Variants in UACA observed in about 807,000 individuals in gnomAD.
UACA encodes the protein uveal autoantigen with coiled-coil domains and ankyrin repeats, also known as nuclear membrane binding protein.
Under a neutral mutation model 160.5 loss-of-function variants are expected in UACA, and 112 were observed. The ratio of observed to expected loss-of-function variants is 0.70; its 90% CI spans 0.60 to 0.82. The LOEUF (loss-of-function observed/expected upper bound fraction) is 0.82. Ranked by LOEUF, UACA falls within the 40% of genes least tolerant of loss-of-function variation. The pLI, the probability that UACA is intolerant of heterozygous loss-of-function variation, is 0.00. For missense variants in UACA, 1,574 were observed against 1,614.6 expected, an observed-to-expected ratio of 0.97 and a Z score of 0.43; for synonymous variants, 557 against 568.4, an observed-to-expected ratio of 0.98 and a Z score of 0.29.
rs1897021684 is a variant in UACA at position 70,668,601 on chromosome 15, CT to C, written c.2082del (p.Glu695AsnfsTer14). On this transcript the variant is annotated frameshift_variant, in exon 16 of 19. Transcript: ENST00000322954. LOFTEE classifies it high-confidence loss of function. ...PEEHEQVKSR[L>X]EQKSGELGKK... ...TTCCCAAGTTCTCCTGATTTCTGTTCTAATCTGCTCTTAACCTGTTCATGTT... is the reference window on the plus strand; with the variant it reads ...TTCCCAAGTTCTCCTGATTTCTGTTCAATCTGCTCTTAACCTGTTCATGTT... The C allele has an allele frequency of 1.2e-6, 2 of 1,613,594 alleles. No individual in the cohort carries two copies. The highest frequency in any genetic ancestry group is 2.7e-5 in the African/African-American group (2 of 74,906).
Position 70,667,357 on chromosome 15 carries a change from T to G in UACA, c.3327A>C (p.Lys1109Asn). 1 of 1,613,028 alleles carries G rather than the reference T, an allele frequency of 6.2e-7. No individual in the cohort carries two copies. The highest frequency in any genetic ancestry group is 8.5e-7 in the Non-Finnish European group (1 of 1,179,874). Residue 1109 changes from lysine (K) to asparagine (N), a missense_variant, in exon 16 of 19, where the codon AAA becomes AAC. Physicochemically the swap from Lys to Asn is moderately conservative, Grantham distance 94. Coordinates refer to ENST00000322954, the MANE Select transcript of UACA (RefSeq NM_018003.4). ...CAACCTGTTCCAATGGAACATGTTG[T>G]TTTTGCAAAAGATTTTGCACTGCAA... ...EILAVQNLLQ[K>N]QHVPLEQVEA...
chr15:70,679,718 A>G (rs1288463130), intron 9 of UACA, 42 bp from the exon 10 acceptor site: 4 of 1,342,750 alleles, frequency 3.0e-6, no homozygotes, highest in Admixed American at 3.9e-5. Flanking sequence ...CAAGTGTAAG[A>G]ATACAGAAAA....
chr15:70,742,901 T>C (rs749456614), intron 1 of UACA, among the ~76,000 whole-genome samples: 53 of 152,226 alleles, frequency 3.5e-4, no homozygotes, highest in Non-Finnish European at 6.9e-4. Context: ...TTAAAATTTT[T>C]CAGTTCTGTA....
chr15:70,770,602 A>T, the UACA span, among the ~76,000 whole-genome samples: 1 of 152,232 alleles, frequency 6.6e-6, no homozygotes, highest in African/African-American at 2.4e-5. Context: ...GCTACATTTT[A>T]ATTTTGCCAG....
intron 16 of UACA, 154 bp from the exon 17 acceptor site, chr15:70,664,968 G>C: frequency 1.8e-6 from 1 of 550,826 alleles, no homozygotes; most frequent in Non-Finnish European, 3.0e-6. Context: ...TACCAAGGAT[G>C]TATACAATAT....
At chr15:70,682,006 C>G (rs1485999270) in intron 9 of UACA, 1 of 152,158 alleles carries the variant, frequency 6.6e-6, no homozygotes, top group Non-Finnish European at 1.5e-5. Context: ...TTAGGTTCCT[C>G]TCACTAGAGA....
intron 4 of UACA, 78 bp from the exon 5 acceptor site, chr15:70,690,589 GTTAT>G (rs1296323751): frequency 1.1e-5 from 12 of 1,091,170 alleles, no homozygotes; most frequent in Non-Finnish European, 1.6e-5. Flanking sequence ...ATGAACAGCT[GTTAT>G]TTAATCTTAA....
Position 70,686,680 on chromosome 15 carries a change from G to T in UACA, c.602+860C>A, listed in dbSNP as rs115870630. Among the ~76,000 whole-genome samples the T allele has an allele frequency of 3.9e-3, 586 of 151,950 alleles. 4 individuals are homozygous for T. The highest frequency in any genetic ancestry group is 0.013 in the African/African-American group (539 of 41,464). On this transcript the variant is annotated intron_variant, in intron 7 of 18. Coordinates refer to ENST00000322954, the MANE Select transcript of UACA (RefSeq NM_018003.4). ...ACAGCTATAAAATCTGACAACTAAAGACTATTTTTTATACTTTTATACTTC... is the reference window on the plus strand; with the variant it reads ...ACAGCTATAAAATCTGACAACTAAATACTATTTTTTATACTTTTATACTTC...
intron 17 of UACA, among the ~76,000 whole-genome samples, chr15:70,662,064 T>A (rs1286565159): frequency 6.6e-6 from 1 of 152,130 alleles, no homozygotes; most frequent in Non-Finnish European, 1.5e-5. Flanking sequence ...AAAGAGGAAG[T>A]CAAATTGTCC....
At chr15:70,768,327 C>T (rs1405838073), upstream of UACA, 1 of 152,168 alleles carries the variant, frequency 6.6e-6, no homozygotes, top group East Asian at 1.9e-4. Flanking sequence ...GACTGTCATT[C>T]ACTTATGACA....
At chr15:70,682,843 G>T in intron 8 of UACA, 48 bp from the exon 9 acceptor site, 1 of 1,359,374 alleles carries the variant, frequency 7.4e-7, no homozygotes, top group Non-Finnish European at 1.0e-6. Context: ...GGTTAACTTG[G>T]GGTAGGTACG....
upstream of UACA, among the ~76,000 whole-genome samples, chr15:70,765,120 T>TTAC (rs2030974844): frequency 6.6e-6 from 1 of 152,206 alleles, no homozygotes; most frequent in South Asian, 2.1e-4. Context: ...CCCAAGCGAA[T>TTAC]TACTCTTCAG....
At chr15:70,729,330 T>C (rs141433272) in intron 1 of UACA, among the ~76,000 whole-genome samples, 3,701 of 152,246 alleles carry the variant, frequency 0.024, 72 homozygotes, top group Middle Eastern at 0.034. Flanking sequence ...GTGGTACATA[T>C]ATACCATGGA....
chr15:70,755,765 A>G (rs2030388386), intron 1 of UACA, among the ~76,000 whole-genome samples: 1 of 152,038 alleles, frequency 6.6e-6, no homozygotes, highest in Non-Finnish European at 1.5e-5. Flanking sequence ...TAGAATTCTT[A>G]TTTGAAGATT....
intron 1 of UACA, among the ~76,000 whole-genome samples, chr15:70,740,228 GAAT>G (rs1262787891): frequency 2.6e-5 from 4 of 152,032 alleles, no homozygotes; most frequent in Non-Finnish European, 5.9e-5. Flanking sequence ...TGTAATTTGT[GAAT>G]ATTATAAACC....
At chr15:70,766,356 C>T (rs2141024115), upstream of UACA, among the ~76,000 whole-genome samples, 1 of 152,164 alleles carries the variant, frequency 6.6e-6, no homozygotes, top group South Asian at 2.1e-4. Context: ...TTTTATCTTC[C>T]CTTCAGAGCA....
intron 1 of UACA, among the ~76,000 whole-genome samples, chr15:70,728,699 T>G (rs1037443096): frequency 2.0e-5 from 3 of 151,658 alleles, no homozygotes; most frequent in Non-Finnish European, 2.9e-5. Flanking sequence ...AAGTGGGACC[T>G]AATTAAGCTA....
At chr15:70,692,063 C>T (rs1897958117) in intron 3 of UACA, among the ~76,000 whole-genome samples, 1 of 152,178 alleles carries the variant, frequency 6.6e-6, no homozygotes, top group Non-Finnish European at 1.5e-5. Context: ...TTTCTTTATA[C>T]AAACACCTCT....
chr15:70,684,208 T>C (rs918071251), intron 8 of UACA, 57 bp downstream of exon 8: 2 of 1,491,582 alleles, frequency 1.3e-6, no homozygotes. Flanking sequence ...CCTAAGTCTT[T>C]TAAAAAGTGG....
Sources: gnomAD v4.1 joint callset for allele counts (sites outside exome capture counted in the v4.1 genomes callset) on GRCh38, gnomAD v4.1.1 for gene constraint, MANE v1.5 for transcripts, NCBI Gene and HGNC (gene_info 2026-07-23, HGNC 2026-07-21) for gene names.